Variants in AIDA observed in about 807,000 individuals in gnomAD.
AIDA encodes axin interactor, dorsalization associated, also known as axin interactor, dorsalization-associated protein.
A neutral mutation model predicts 42.7 loss-of-function variants in AIDA; 18 were observed. The ratio of observed to expected loss-of-function variants is 0.42; its 90% confidence interval spans 0.29 to 0.63. AIDA has a LOEUF of 0.63. AIDA is among the 20% of genes least tolerant of loss of function. The pLI is 0.19. For synonymous variants in AIDA, 104 were observed against 122.9 expected, an observed-to-expected ratio of 0.85 and a Z score of 1.02; for missense variants, 250 against 354.1, an observed-to-expected ratio of 0.71 and a Z score of 2.36.
intron 6 of AIDA, among the ~76,000 whole-genome samples, chr1:222,679,396 G>GT (rs1664613734): frequency 6.6e-6 from 1 of 152,158 alleles, no homozygotes; most frequent in African/African-American, 2.4e-5. Flanking sequence ...GAAAAACTGC[G>GT]TGTTTCCAGC....
At chr1:222,701,586 TAC>T (rs1256697114) in intron 2 of AIDA, among the ~76,000 whole-genome samples, 2 of 152,238 alleles carry the variant, frequency 1.3e-5, no homozygotes, top group East Asian at 3.8e-4. Flanking sequence ...TTTCAGATTT[TAC>T]AGAGGCTCCT....
intron 2 of AIDA, among the ~76,000 whole-genome samples, chr1:222,700,807 A>C (rs931945768): frequency 1.3e-5 from 2 of 152,210 alleles, no homozygotes; most frequent in Non-Finnish European, 2.9e-5. Flanking sequence ...AAGCTGAAAA[A>C]AGACAGTGGC....
rs141310319 is a variant in AIDA at position 222,678,494 on chromosome 1, T to C, written c.461-2276A>G. ...TGTCTAGATCTTTTAGTTGAAATAA[T>C]GAGGCTGACATTTCTTTCTTCCTTA... On this transcript the variant is annotated intron_variant, in intron 6 of 9. Coordinates refer to ENST00000340020, the MANE Select transcript of AIDA (RefSeq NM_022831.4). 9.3e-4 allele frequency among the ~76,000 whole-genome samples: 141 copies of C among 152,290 alleles called. 1 individual carries two copies. Among genetic ancestry groups the C allele is most frequent in the African/African-American group, 2.9e-3 (121 of 41,572 alleles).
chr1:222,670,461 A>C (rs1458819145), intron 8 of AIDA, among the ~76,000 whole-genome samples: 1 of 152,196 alleles, frequency 6.6e-6, no homozygotes, highest in Non-Finnish European at 1.5e-5. Flanking sequence ...TCTCCTTATC[A>C]TCCAATTCTA....
intron 6 of AIDA, among the ~76,000 whole-genome samples, chr1:222,676,671 T>C (rs1664548497): frequency 1.3e-5 from 2 of 152,028 alleles, no homozygotes; most frequent in Admixed American, 1.3e-4. Flanking sequence ...TTACTTTTTT[T>C]TTGACACAGT....
intron 4 of AIDA, among the ~76,000 whole-genome samples, chr1:222,690,088 C>A (rs764224588): frequency 1.3e-5 from 2 of 152,116 alleles, no homozygotes; most frequent in East Asian, 3.9e-4. Flanking sequence ...TAGGCTATAC[C>A]ATATAGGCTA....
intron 1 of AIDA, among the ~76,000 whole-genome samples, chr1:222,706,268 T>C (rs1239793902): frequency 6.6e-6 from 1 of 152,194 alleles, no homozygotes; most frequent in Non-Finnish European, 1.5e-5. Flanking sequence ...TGGCAGTTTC[T>C]TTATAAAGTT....
At chr1:222,672,265 A>G (rs1664463167) in intron 8 of AIDA, among the ~76,000 whole-genome samples, 1 of 152,194 alleles carries the variant, frequency 6.6e-6, no homozygotes, top group Non-Finnish European at 1.5e-5. Context: ...AAGTTAGCCC[A>G]TGAAACACTC....
Position 222,680,490 on chromosome 1 carries a change from C to G in AIDA, c.461-4272G>C, listed in dbSNP as rs577837464. Among the ~76,000 whole-genome samples, 7 of 152,284 alleles carry G rather than the reference C, an allele frequency of 4.6e-5. No individual in the cohort carries two copies. In the South Asian group the frequency reaches 1.4e-3, roughly 32 times the overall value. ...TCTAAGCCTAAGCATAGAGACAATT[C>G]TCCCTAAGTAAAAACAATGAATTTC... On this transcript the variant is annotated intron_variant, in intron 6 of 9. Coordinates refer to ENST00000340020, the MANE Select transcript of AIDA (RefSeq NM_022831.4).
intron 6 of AIDA, among the ~76,000 whole-genome samples, chr1:222,686,156 G>A (rs35175385): frequency 0.55 from 82,837 of 151,568 alleles, 25,789 homozygotes; most frequent in Non-Finnish European, 0.7. Flanking sequence ...ACGAGACTCT[G>A]TCTCAAAACA....
chr1:222,705,827 T>C (rs1438286623), intron 1 of AIDA, among the ~76,000 whole-genome samples: 1 of 151,974 alleles, frequency 6.6e-6, no homozygotes, highest in African/African-American at 2.4e-5. Flanking sequence ...AAGGGTGCAG[T>C]GAGCCAAGAT....
chr1:222,673,022 C>T (rs1000682427), intron 8 of AIDA, among the ~76,000 whole-genome samples: 5 of 152,228 alleles, frequency 3.3e-5, no homozygotes, highest in Admixed American at 3.3e-4. Flanking sequence ...CCTTCACGCA[C>T]TCCTGCTTCT....
rs781718432 is a variant in AIDA, at chr1:222,693,837, G to C, written c.241C>G (p.Gln81Glu). ...TCCAGTTTAAATTCTTCTTGAGACT[G>C]TGTGGACTAAATTTAAAATAAGCAT... ...ELRSAALQST[Q>E]SQEEFKLEDL... The change falls in exon 4 of 10, where the codon CAG becomes GAG. Residue 81 changes from glutamine to glutamate, a missense_variant. Physicochemically the swap from Gln to Glu is conservative, Grantham distance 29 (BLOSUM62 2). Transcript: ENST00000340020. 3 of 1,607,082 alleles carry C rather than the reference G, an allele frequency of 1.9e-6. No homozygotes were observed. Among genetic ancestry groups the C allele is most frequent in the South Asian group, 2.2e-5 (2 of 90,214 alleles).
intron 8 of AIDA, among the ~76,000 whole-genome samples, chr1:222,672,392 T>G (rs1250121644): frequency 6.6e-6 from 1 of 152,242 alleles, no homozygotes; most frequent in Non-Finnish European, 1.5e-5. Flanking sequence ...TTCAACGTTA[T>G]TTATTAAGCA....
intron 2 of AIDA, among the ~76,000 whole-genome samples, chr1:222,702,692 T>C (rs1433376347): frequency 6.6e-6 from 1 of 152,232 alleles, no homozygotes; most frequent in Non-Finnish European, 1.5e-5. Flanking sequence ...TTGTTTTTTG[T>C]GTGTATTTGT....
Position 222,669,887 on chromosome 1 carries a change from T to A in AIDA, c.*6A>T. ...TCACAGAAGTTCCAGGTTCATCATGTCAGGATCATTCCTTGTGCAAAGTTT... is the reference window on the plus strand; with the variant it reads ...TCACAGAAGTTCCAGGTTCATCATGACAGGATCATTCCTTGTGCAAAGTTT... On this transcript the variant is annotated 3_prime_UTR_variant, in exon 10 of 10. Coordinates refer to ENST00000340020, the MANE Select transcript of AIDA (RefSeq NM_022831.4). 6.2e-7 allele frequency: 1 copy of A among 1,609,118 alleles called. No homozygotes were observed. The highest frequency in any genetic ancestry group is 8.5e-7 in the Non-Finnish European group (1 of 1,177,922).
intron 4 of AIDA, among the ~76,000 whole-genome samples, chr1:222,692,635 C>T (rs1407949137): frequency 6.6e-6 from 1 of 152,104 alleles, no homozygotes; most frequent in Non-Finnish European, 1.5e-5. Context: ...AGGTTATTCA[C>T]AATCTCTTTG....
chr1:222,685,867 G>C (rs1655154333), intron 6 of AIDA, among the ~76,000 whole-genome samples: 1 of 152,174 alleles, frequency 6.6e-6, no homozygotes, highest in African/African-American at 2.4e-5. Flanking sequence ...ATTAATTAAA[G>C]AAGTACTTAT....
intron 1 of AIDA, among the ~76,000 whole-genome samples, chr1:222,704,590 A>T (rs1655791655): frequency 6.6e-6 from 1 of 152,182 alleles, no homozygotes; most frequent in African/African-American, 2.4e-5. Flanking sequence ...ATTTATATGA[A>T]ATGTCCAGAC....
Sources: gnomAD v4.1 joint callset for allele counts (sites outside exome capture counted in the v4.1 genomes callset) on GRCh38, gnomAD v4.1.1 for gene constraint, MANE v1.5 for transcripts, NCBI Gene and HGNC (gene_info 2026-07-23, HGNC 2026-07-21) for gene names.